NLRP2: variants seen among roughly 807,000 people sequenced by gnomAD.
The protein encoded by NLRP2 is NLR family pyrin domain containing 2, also known as NACHT, LRR and PYD domains-containing protein 2.
In NLRP2, 107 loss-of-function variants were observed where a neutral mutation model predicts 97.2. The observed-to-expected ratio is 1.10, with a 90% CI of 0.94 to 1.29. NLRP2 has a LOEUF of 1.29. NLRP2 is among the 50% of genes most tolerant of loss of function. The pLI is 0.00. For synonymous variants in NLRP2, 663 were observed against 551.5 expected (o/e 1.20, Z -2.83); for missense variants, 1,495 against 1,330.3 (o/e 1.12, Z -1.93).
intron 1 of NLRP2, among the ~76,000 whole-genome samples, chr19:54,966,846 T>TA: frequency 7.2e-6 from 1 of 138,002 alleles, no homozygotes; most frequent in Non-Finnish European, 1.6e-5. Context: ...TTTTTTTTTT[T>TA]TTTTTCTTCT....
chr19:54,967,333 TTAGGTGGGCGTGG>T (rs1568457243), intron 1 of NLRP2, among the ~76,000 whole-genome samples: 1 of 151,870 alleles, frequency 6.6e-6, no homozygotes, highest in East Asian at 1.9e-4. Context: ...AAATATAAAA[TTAGGTGGGCGTGG>T]TAGCGCATAC....
At chr19:54,998,778 C>T (rs2073006742) in intron 12 of NLRP2, among the ~76,000 whole-genome samples, 2 of 150,410 alleles carry the variant, frequency 1.3e-5, no homozygotes, top group African/African-American at 2.5e-5. Context: ...GAGGACCCTG[C>T]GGCCTTCCGC....
chr19:54,981,465 G>A (rs898515030), intron 4 of NLRP2, 152 bp from the exon 5 acceptor site: 5 of 649,400 alleles, frequency 7.7e-6, no homozygotes, highest in Non-Finnish European at 1.4e-5. Flanking sequence ...ACCACACCTG[G>A]CCGGAAAACA....
intron 3 of NLRP2, among the ~76,000 whole-genome samples, chr19:54,977,442 C>A (rs935883707): frequency 6.6e-6 from 1 of 151,062 alleles, no homozygotes; most frequent in Admixed American, 6.7e-5. Context: ...AAAAACTAGG[C>A]AGTTAATCCT....
intron 2 of NLRP2, chr19:54,973,846 T>A: frequency 1.6e-6 from 1 of 630,546 alleles, no homozygotes. Flanking sequence ...CCCGCCGGAC[T>A]TTCTGTAAGA....
chr19:54,978,214 C>A (rs57538928), intron 4 of NLRP2, among the ~76,000 whole-genome samples: 31,130 of 150,262 alleles, frequency 0.21, 3,896 homozygotes, highest in Admixed American at 0.36. Flanking sequence ...ATTATAGGCA[C>A]CTGCCACCAC....
At chr19:54,986,429 T>C in intron 8 of NLRP2, 114 bp downstream of exon 8, 1 of 909,032 alleles carries the variant, frequency 1.1e-6, no homozygotes, top group Middle Eastern at 2.7e-4. Flanking sequence ...GAAACAGTAC[T>C]AAGGGCAGAT....
chr19:54,985,216 G>T lies in NLRP2; in HGVS notation c.2200G>T (p.Val734Leu). The change falls in exon 7 of 13, where the codon GTG (valine) becomes TTG (leucine). Residue 734 changes from valine to leucine, a missense_variant and splice_region_variant. Physicochemically the swap from Val to Leu is conservative, Grantham distance 32. Transcript: ENST00000448584. The stretch of plus-strand genomic sequence containing the variant: ...TGACACCTGTCATCTCCAGAGAGTG[G>T]TGTAAGTAGAAACTAATTCATGAAC... ...ASDTCHLQRVVFKNISPADAH... is the reference protein window; with the variant it reads ...ASDTCHLQRVLFKNISPADAH... The T allele has an allele frequency of 6.2e-7, 1 of 1,613,762 alleles. No individual in the cohort carries two copies. The highest frequency in any genetic ancestry group is 8.5e-7 in the Non-Finnish European group (1 of 1,179,840).
chr19:54,998,611 C>CTTTTTTTTTTTTTTTTTTTTTTTTTTTT (rs375510249), intron 12 of NLRP2, among the ~76,000 whole-genome samples: 3 of 42,194 alleles, frequency 7.1e-5, no homozygotes, highest in South Asian at 8.5e-4. Flanking sequence ...CATCTTTTTT[C>CTTTTTTTTTTTTTTTTTTTTTTTTTTTT]TTTTTTTTTT....
At chr19:54,980,005 A>G (rs1044812673) in intron 4 of NLRP2, among the ~76,000 whole-genome samples, 2 of 148,944 alleles carry the variant, frequency 1.3e-5, no homozygotes, top group South Asian at 4.3e-4. Context: ...TGGATCTCCT[A>G]ACCTCGTGAT....
chr19:55,000,803 G>A lies in NLRP2; in HGVS notation c.3094G>A (p.Glu1032Lys). 6.2e-7 allele frequency: 1 copy of A among 1,613,558 alleles called. No individual in the cohort carries two copies. Among genetic ancestry groups the A allele is most frequent in the Non-Finnish European group, 8.5e-7 (1 of 1,179,656 alleles). ...TAATGATGAACTCAATAAGCTGCTGGAAGAAATAGAAGAAAAAAACCCACA... is the reference window on the plus strand; with the variant it reads ...TAATGATGAACTCAATAAGCTGCTGAAAGAAATAGAAGAAAAAAACCCACA... ...DFNDELNKLLEEIEEKNPQLI... is the reference protein window; with the variant it reads ...DFNDELNKLLKEIEEKNPQLI... The change falls in exon 13 of 13, where the codon GAA becomes AAA. Residue 1032 changes from glutamate to lysine, a missense_variant. Coordinates refer to ENST00000448584, the MANE Select transcript of NLRP2 (RefSeq NM_017852.5).
intron 8 of NLRP2, among the ~76,000 whole-genome samples, chr19:54,988,027 G>A (rs1055399565): frequency 5.9e-5 from 9 of 152,172 alleles, no homozygotes; most frequent in African/African-American, 1.2e-4. Context: ...CTGGGCAACA[G>A]AGCAAAACTC....
chr19:54,966,825 C>CTTTTTTTTTT (rs1044701142), intron 1 of NLRP2, among the ~76,000 whole-genome samples: 14 of 74,986 alleles, frequency 1.9e-4, no homozygotes, highest in East Asian at 4.6e-4. Flanking sequence ...CGCGCCCAGC[C>CTTTTTTTTTT]TTTTTTTTTT....
At chr19:54,997,179 A>T in intron 11 of NLRP2, 138 bp from the exon 12 acceptor site, 1 of 855,592 alleles carries the variant, frequency 1.2e-6, no homozygotes, top group Non-Finnish European at 2.0e-6. Context: ...TGCTGGGATT[A>T]CAGGCGTGAA....
rs998017745 is a variant in NLRP2, at chr19:54,975,116, T to G, written c.325+572T>G. Among the ~76,000 whole-genome samples the G allele has an allele frequency of 1.6e-3, 31 of 19,316 alleles. 3 individuals are homozygous for G. The highest frequency in any genetic ancestry group is 0.013 in the African/African-American group (23 of 1,790). 12.7% of individuals were successfully genotyped at this position (19,316 alleles called of 152,430 possible). On this transcript the variant is annotated intron_variant, in intron 3 of 12. Coordinates refer to ENST00000448584, the MANE Select transcript of NLRP2 (RefSeq NM_017852.5). ...ACCACACCCGGTTTTGTTTTTTTTTTTTTTTTTTTTTTTTTTTTTTTTTTT... is the reference window on the plus strand; with the variant it reads ...ACCACACCCGGTTTTGTTTTTTTTTGTTTTTTTTTTTTTTTTTTTTTTTTT...
At chr19:54,987,508 G>A (rs746968376) in intron 8 of NLRP2, among the ~76,000 whole-genome samples, 3 of 152,144 alleles carry the variant, frequency 2.0e-5, no homozygotes, top group Admixed American at 6.6e-5. Context: ...CTGGGAGGCC[G>A]AGGTGGGTGG....
chr19:54,974,479 T>A (rs762996139), intron 2 of NLRP2, 21 bp from the exon 3 acceptor site: 1 of 1,607,114 alleles, frequency 6.2e-7, no homozygotes, highest in Non-Finnish European at 8.5e-7. Flanking sequence ...TGCAAAATTT[T>A]CCCCCCTTCT....
In NLRP2 at chr19:55,000,943, G is replaced by T; in HGVS notation, c.*45G>T. 1.2e-6 allele frequency: 2 copies of T among 1,603,366 alleles called. No homozygotes were observed. Among genetic ancestry groups the T allele is most frequent in the Non-Finnish European group, 1.7e-6 (2 of 1,171,456 alleles). On this transcript the variant is annotated 3_prime_UTR_variant, in exon 13 of 13. Coordinates refer to ENST00000448584, the MANE Select transcript of NLRP2 (RefSeq NM_017852.5). Reference sequence around the variant, plus strand: ...TCTCCATGAAGTCATCGATTTTCCAGGTGTTGGTGAACTGCCTGTGACTCC... The same window carrying T: ...TCTCCATGAAGTCATCGATTTTCCATGTGTTGGTGAACTGCCTGTGACTCC...
intron 3 of NLRP2, among the ~76,000 whole-genome samples, chr19:54,974,827 G>A (rs1042513009): frequency 1.3e-5 from 2 of 152,072 alleles, no homozygotes; most frequent in Non-Finnish European, 2.9e-5. Context: ...TGAGATGGAG[G>A]CTTGCTCTGT....
Sources: gnomAD v4.1 joint callset for allele counts (sites outside exome capture counted in the v4.1 genomes callset) on GRCh38, gnomAD v4.1.1 for gene constraint, MANE v1.5 for transcripts, NCBI Gene and HGNC (gene_info 2026-07-23, HGNC 2026-07-21) for gene names.